The following XKR4 variants were observed in gnomAD, a reference collection of about 807,000 sequenced individuals.
XKR4 encodes XK-related protein 4.
A neutral mutation model predicts 53.9 loss-of-function variants in XKR4; 12 were observed. The ratio of observed to expected loss-of-function variants is 0.22; its 90% CI spans 0.14 to 0.36. The LOEUF is 0.36. Ranked by LOEUF, XKR4 falls within the 10% of genes least tolerant of loss-of-function variation. XKR4 has a pLI of 1.00. For missense variants in XKR4, 799 were observed against 859.5 expected (o/e 0.93, Z 0.88); for synonymous variants, 354 against 362.4 (o/e 0.98, Z 0.26).
At chr8:55,147,297 T>C (rs1352622561) in intron 1 of XKR4, among the ~76,000 whole-genome samples, 2 of 152,176 alleles carry the variant, frequency 1.3e-5, no homozygotes, top group Non-Finnish European at 2.9e-5. Flanking sequence ...TGTCAGTTAA[T>C]ACAACAGCCA....
At chr8:55,303,324 G>A (rs1482958017) in intron 1 of XKR4, among the ~76,000 whole-genome samples, 1 of 152,176 alleles carries the variant, frequency 6.6e-6, no homozygotes, top group African/African-American at 2.4e-5. Flanking sequence ...TGTTGAAACA[G>A]GCTTGCATCC....
intron 1 of XKR4, among the ~76,000 whole-genome samples, chr8:55,199,190 AAAC>A (rs1817542851): frequency 6.6e-6 from 1 of 152,186 alleles, no homozygotes; most frequent in Non-Finnish European, 1.5e-5. Context: ...GCACTTCCCA[AAAC>A]AACAGTGGAC....
chr8:55,440,170 T>C (rs1324793697), intron 2 of XKR4, among the ~76,000 whole-genome samples: 3 of 152,140 alleles, frequency 2.0e-5, no homozygotes, highest in Non-Finnish European at 4.4e-5. Flanking sequence ...AAGAGTGAAA[T>C]ATATTTTCAT....
intron 2 of XKR4, among the ~76,000 whole-genome samples, chr8:55,396,013 G>T (rs1246396729): frequency 1.3e-5 from 2 of 152,204 alleles, no homozygotes; most frequent in Non-Finnish European, 2.9e-5. Context: ...GAGGAAGTGG[G>T]TTCCCTCCTG....
intron 1 of XKR4, among the ~76,000 whole-genome samples, chr8:55,119,031 TTTAA>T (rs2129351769): frequency 6.6e-6 from 1 of 152,294 alleles, no homozygotes; most frequent in South Asian, 2.1e-4. Flanking sequence ...GCAGACATGA[TTTAA>T]TTAAACTCAG....
intron 2 of XKR4, among the ~76,000 whole-genome samples, chr8:55,472,126 A>T (rs1456699384): frequency 6.6e-6 from 1 of 152,138 alleles, no homozygotes; most frequent in Non-Finnish European, 1.5e-5. Context: ...GAGTATCATG[A>T]TCCTGTTCAG....
At chr8:55,128,330 T>A (rs1816502283) in intron 1 of XKR4, among the ~76,000 whole-genome samples, 1 of 152,194 alleles carries the variant, frequency 6.6e-6, no homozygotes, top group African/African-American at 2.4e-5. Context: ...TGCCTAACTC[T>A]TAAGCAGGGC....
chr8:55,404,375 C>T (rs1322158016), intron 2 of XKR4, among the ~76,000 whole-genome samples: 1 of 152,166 alleles, frequency 6.6e-6, no homozygotes, highest in East Asian at 1.9e-4. Context: ...TCCTTGATTA[C>T]AGATCAGGAA....
intron 1 of XKR4, among the ~76,000 whole-genome samples, chr8:55,266,548 A>G (rs762697690): frequency 4.6e-5 from 7 of 152,038 alleles, no homozygotes; most frequent in South Asian, 2.1e-4. Context: ...AACTCAATAT[A>G]CTCGTGGAAA....
intron 1 of XKR4, among the ~76,000 whole-genome samples, chr8:55,148,027 T>TA (rs1274387030): frequency 1.3e-5 from 2 of 152,038 alleles, no homozygotes; most frequent in Admixed American, 6.6e-5. Flanking sequence ...CTCTAACCTG[T>TA]AAAAAAAGGA....
At chr8:55,382,591 T>C (rs1337901042) in intron 2 of XKR4, among the ~76,000 whole-genome samples, 1 of 152,104 alleles carries the variant, frequency 6.6e-6, no homozygotes, top group African/African-American at 2.4e-5. Context: ...TTCTGGAAAA[T>C]CTCAACTAGG....
intron 1 of XKR4, among the ~76,000 whole-genome samples, chr8:55,156,404 G>T (rs965029075): frequency 7.3e-6 from 1 of 136,300 alleles, no homozygotes; most frequent in Non-Finnish European, 1.6e-5. Context: ...TAGTCACGGC[G>T]TAAGATGGCG....
intron 1 of XKR4, among the ~76,000 whole-genome samples, chr8:55,356,418 G>A (rs1366161830): frequency 1.3e-5 from 2 of 152,010 alleles, no homozygotes; most frequent in Non-Finnish European, 2.9e-5. Context: ...AAGAAAATAT[G>A]CAAGAAATTT....
intron 1 of XKR4, among the ~76,000 whole-genome samples, chr8:55,146,935 A>G (rs1331307992): frequency 3.3e-5 from 5 of 152,228 alleles, no homozygotes; most frequent in Non-Finnish European, 7.3e-5. Flanking sequence ...AGATGCACAT[A>G]GCAGCCGATG....
chr8:55,356,246 T>A (rs917868407), intron 1 of XKR4, among the ~76,000 whole-genome samples: 2 of 152,200 alleles, frequency 1.3e-5, no homozygotes, highest in Non-Finnish European at 2.9e-5. Flanking sequence ...ATAGAACAAC[T>A]AATTCTGATG....
chr8:55,159,119 G>C (rs1003136749), intron 1 of XKR4, among the ~76,000 whole-genome samples: 3 of 152,066 alleles, frequency 2.0e-5, no homozygotes, highest in Non-Finnish European at 4.4e-5. Flanking sequence ...AGTATGGCAT[G>C]TTTTCCATTT....
intron 2 of XKR4, among the ~76,000 whole-genome samples, chr8:55,486,584 A>C (rs1806194430): frequency 6.6e-6 from 1 of 152,254 alleles, no homozygotes; most frequent in African/African-American, 2.4e-5. Flanking sequence ...AAGGGGCAGA[A>C]GTCATACACA....
chr8:55,481,164 G>T (rs1806097397), intron 2 of XKR4, among the ~76,000 whole-genome samples: 1 of 148,266 alleles, frequency 6.7e-6, no homozygotes, highest in South Asian at 2.1e-4. Flanking sequence ...CAAGGCTACA[G>T]TAAACAAAAC....
chr8:55,422,786 GA>G (rs1231213690), intron 2 of XKR4, among the ~76,000 whole-genome samples: 2 of 152,090 alleles, frequency 1.3e-5, no homozygotes, highest in Admixed American at 6.5e-5. Context: ...ATTGGAATAG[GA>G]AAAAAACTTG....
Sources: gnomAD v4.1 joint callset for allele counts (sites outside exome capture counted in the v4.1 genomes callset) on GRCh38, gnomAD v4.1.1 for gene constraint, MANE v1.5 for transcripts, NCBI Gene and HGNC (gene_info 2026-07-23, HGNC 2026-07-21) for gene names.